Variants in UBTD2 observed in about 807,000 individuals in gnomAD.
UBTD2 encodes ubiquitin domain-containing protein 2.
In UBTD2, 9 loss-of-function variants were observed where a neutral mutation model predicts 19.8. The observed-to-expected ratio is 0.46, with a 90% CI of 0.27 to 0.79. UBTD2 has a LOEUF of 0.79. Among genes scored for constraint, UBTD2 ranks in the 30% least tolerant of loss-of-function variants. The probability of loss-of-function intolerance (pLI) is 0.14; values close to 1 mark genes in which losing one functional copy is unlikely to be tolerated. For synonymous variants in UBTD2, 98 were observed against 103.9 expected (o/e 0.94, Z 0.35); for missense variants, 250 against 300.4 (o/e 0.83, Z 1.24).
At chr5:172,259,254 T>G (rs971762210) in intron 1 of UBTD2, among the ~76,000 whole-genome samples, 3 of 152,118 alleles carry the variant, frequency 2.0e-5, no homozygotes, top group Admixed American at 2.0e-4. Flanking sequence ...GCGATTCTCC[T>G]GCCTCAGCCT....
chr5:172,274,172 G>T (rs917828694), intron 1 of UBTD2, among the ~76,000 whole-genome samples: 1 of 135,502 alleles, frequency 7.4e-6, no homozygotes, highest in African/African-American at 2.8e-5. Flanking sequence ...ACGGAGCCTC[G>T]CTGTGTCGCC....
At chr5:172,250,889 G>C (rs888901412) in intron 1 of UBTD2, among the ~76,000 whole-genome samples, 1 of 118,518 alleles carries the variant, frequency 8.4e-6, no homozygotes, top group African/African-American at 3.3e-5. Flanking sequence ...AGCTGTGATC[G>C]TACCACTGCA....
intron 1 of UBTD2, among the ~76,000 whole-genome samples, chr5:172,240,359 CTA>C (rs1295224605): frequency 2.6e-5 from 4 of 152,158 alleles, no homozygotes; most frequent in Admixed American, 2.6e-4. Context: ...ATTTTCCGTA[CTA>C]TAATTTTATT....
intron 1 of UBTD2, among the ~76,000 whole-genome samples, chr5:172,252,170 A>C (rs1755038514): frequency 1.3e-5 from 2 of 152,230 alleles, no homozygotes; most frequent in Non-Finnish European, 2.9e-5. Flanking sequence ...CCTGGCTTTA[A>C]GAGTTACTTG....
intron 1 of UBTD2, among the ~76,000 whole-genome samples, chr5:172,237,165 C>T (rs1445625792): frequency 6.6e-6 from 1 of 152,214 alleles, no homozygotes; most frequent in East Asian, 1.9e-4. Context: ...TGCAACCCGA[C>T]TCACTGCAAC....
chr5:172,275,124 G>GA (rs1203524098), intron 1 of UBTD2, among the ~76,000 whole-genome samples: 9 of 152,182 alleles, frequency 5.9e-5, no homozygotes, highest in Admixed American at 3.3e-4. Context: ...GAGGCCTCAG[G>GA]AAACTTACAA....
intron 1 of UBTD2, among the ~76,000 whole-genome samples, chr5:172,270,420 C>T (rs944821104): frequency 8.2e-5 from 11 of 133,402 alleles, no homozygotes; most frequent in Non-Finnish European, 1.4e-4. Flanking sequence ...TGCAATGGTG[C>T]GATCTCGGCT....
At chr5:172,217,190 T>G (rs2113873918) in intron 2 of UBTD2, among the ~76,000 whole-genome samples, 1 of 151,808 alleles carries the variant, frequency 6.6e-6, no homozygotes, top group Admixed American at 6.6e-5. Flanking sequence ...GGTGGGTGGA[T>G]CACCTGAGGT....
chr5:172,255,193 G>A lies in UBTD2; in HGVS notation c.71-20835C>T, dbSNP rs188087571. 220 of 448,266 alleles carry A rather than the reference G, an allele frequency of 4.9e-4. 1 individual carries two copies. Among genetic ancestry groups the A allele is most frequent in the African/African-American group, 4.3e-3 (213 of 49,418 alleles). The allele number at this position is 448,266 out of a possible 1,614,324, so 27.8% of individuals were successfully genotyped here. ...CTGGTGTGAGGATAGGAACTTGAGA[G>A]AGGGGTGCAAATTCCCAGCAGAAGG... On this transcript the variant is annotated intron_variant, in intron 1 of 2. Transcript: ENST00000393792.
At position 172,283,462 on chromosome 5, in the gene UBTD2, G is replaced by T; in HGVS notation, c.70+134C>A. 1 of 660,040 alleles carries T rather than the reference G, an allele frequency of 1.5e-6. No homozygotes were observed. Among genetic ancestry groups the T allele is most frequent in the Non-Finnish European group, 2.1e-6 (1 of 474,890 alleles). The allele number at this position is 660,040 out of a possible 1,614,324, so 40.9% of individuals were successfully genotyped here. A position where few individuals can be genotyped will look rare whatever the true frequency, so the allele number is the denominator to read the frequency against. The stretch of plus-strand genomic sequence containing the variant: ...GGCTGGCAGGACAGCCGGAAGCGGA[G>T]CGCGGGGAATGACGTGGAAGAGGGG... On this transcript the variant is annotated intron_variant, in intron 1 of 2. Coordinates refer to ENST00000393792, the MANE Select transcript of UBTD2 (RefSeq NM_152277.3). This position sits in a 1 kb window ranked among gnomAD's most constrained non-coding sequence, Gnocchi z 4.3.
At chr5:172,223,489 C>T (rs1347964585) in intron 2 of UBTD2, among the ~76,000 whole-genome samples, 2 of 146,150 alleles carry the variant, frequency 1.4e-5, no homozygotes, top group African/African-American at 2.5e-5. Flanking sequence ...ATCCCAGCTA[C>T]TCAGGAGGCT....
chr5:172,282,095 G>A (rs1755729382), intron 1 of UBTD2, among the ~76,000 whole-genome samples: 1 of 152,118 alleles, frequency 6.6e-6, no homozygotes, highest in African/African-American at 2.4e-5. Flanking sequence ...ATATTAAAAT[G>A]AGTGTGAAAA....
intron 2 of UBTD2, among the ~76,000 whole-genome samples, chr5:172,216,912 G>A (rs1275969211): frequency 6.6e-6 from 1 of 152,066 alleles, no homozygotes; most frequent in Admixed American, 6.6e-5. Context: ...GGTGCAGTGA[G>A]CCGAGATTGT....
chr5:172,279,663 G>T (rs1039513295), intron 1 of UBTD2, among the ~76,000 whole-genome samples: 7 of 152,160 alleles, frequency 4.6e-5, no homozygotes, highest in African/African-American at 1.7e-4. Flanking sequence ...AGAAAGAAAA[G>T]GTTGTTGGTT....
intron 1 of UBTD2, among the ~76,000 whole-genome samples, chr5:172,273,114 T>C (rs1755532634): frequency 6.8e-6 from 1 of 146,194 alleles, no homozygotes; most frequent in African/African-American, 2.5e-5. Flanking sequence ...AAAATAAAAA[T>C]CTGTCCAAAG....
chr5:172,268,170 G>T (rs1561866046), intron 1 of UBTD2, among the ~76,000 whole-genome samples: 2 of 147,782 alleles, frequency 1.4e-5, no homozygotes, highest in African/African-American at 5.0e-5. Context: ...CATGATAGAA[G>T]TTTTTTTTTT....
At chr5:172,242,029 C>G (rs866640361) in intron 1 of UBTD2, among the ~76,000 whole-genome samples, 2 of 152,276 alleles carry the variant, frequency 1.3e-5, no homozygotes, top group Middle Eastern at 3.4e-3. Flanking sequence ...TGGCTTGGTG[C>G]CCTTCCCATG....
At chr5:172,234,711 A>C (rs1322812792) in intron 1 of UBTD2, among the ~76,000 whole-genome samples, 1 of 152,120 alleles carries the variant, frequency 6.6e-6, no homozygotes, top group Non-Finnish European at 1.5e-5. Context: ...GTTCGAGACT[A>C]GCCTGGGCAA....
At position 172,283,062 on chromosome 5, in the gene UBTD2, G is replaced by GC. The variant is rs2113152695; in HGVS notation, c.70+533dup. ...CCTGCGGCCACTGGAGACTCCTCCA[G>GC]CCGAGCTCCAGAAACTCGCAGGTTT... On this transcript the variant is annotated intron_variant, in intron 1 of 2. Coordinates refer to ENST00000393792, the MANE Select transcript of UBTD2 (RefSeq NM_152277.3). This position sits in a 1 kb window ranked among gnomAD's most constrained non-coding sequence, Gnocchi z 4.3. Among the ~76,000 whole-genome samples, 1 of 152,266 alleles carries GC rather than the reference G, an allele frequency of 6.6e-6. No homozygotes were observed. The highest frequency in any genetic ancestry group is 1.5e-5 in the Non-Finnish European group (1 of 68,034).
Sources: allele counts gnomAD v4.1 joint callset (sites outside exome capture counted in the v4.1 genomes callset), GRCh38; gene constraint gnomAD v4.1.1; non-coding constraint Gnocchi (gnomAD v3.1); transcripts MANE v1.5; gene names NCBI Gene and HGNC (gene_info 2026-07-23, HGNC 2026-07-21).